The following TMEM268 variants were observed in gnomAD, a reference collection of about 807,000 sequenced individuals.
TMEM268 encodes transmembrane protein C9orf91.
Under a neutral mutation model 39.1 loss-of-function variants are expected in TMEM268, and 24 were observed. The ratio of observed to expected loss-of-function variants is 0.61; its 90% CI spans 0.44 to 0.86. The LOEUF is 0.86. Ranked by LOEUF, TMEM268 falls within the 40% of genes least tolerant of loss-of-function variation. TMEM268 has a pLI of 0.00. For missense variants in TMEM268, 409 were observed against 428.6 expected, an observed-to-expected ratio of 0.95 and a Z score of 0.40; for synonymous variants, 176 against 173.5, an observed-to-expected ratio of 1.01 and a Z score of -0.12.
intron 8 of TMEM268, among the ~76,000 whole-genome samples, chr9:114,641,527 ATG>A (rs1292591005): frequency 6.6e-6 from 1 of 152,180 alleles, no homozygotes; most frequent in Non-Finnish European, 1.5e-5. Context: ...GTTAATAAGA[ATG>A]TGCATTAAGG....
intron 1 of TMEM268, among the ~76,000 whole-genome samples, chr9:114,612,812 CTGAGTTTGTCTTTCCT>C (rs1198694420): frequency 6.6e-6 from 1 of 152,150 alleles, no homozygotes; most frequent in African/African-American, 2.4e-5. Flanking sequence ...TTGTCTTTCC[CTGAGTTTGTCTTTCCT>C]ACCAGATGGT....
intron 5 of TMEM268, among the ~76,000 whole-genome samples, chr9:114,631,778 A>G (rs1798898618): frequency 6.6e-6 from 1 of 152,082 alleles, no homozygotes; most frequent in Non-Finnish European, 1.5e-5. Context: ...TTCCTGGAAA[A>G]TTCAGTGTAC....
intron 2 of TMEM268, among the ~76,000 whole-genome samples, chr9:114,623,180 C>T (rs961055818): frequency 1.3e-5 from 2 of 152,130 alleles, no homozygotes; most frequent in Admixed American, 1.3e-4. Context: ...GATGGAGTTT[C>T]ATTCTTGTTG....
intron 5 of TMEM268, among the ~76,000 whole-genome samples, chr9:114,633,421 A>G (rs1160333688): frequency 1.3e-5 from 2 of 151,994 alleles, no homozygotes; most frequent in Admixed American, 6.6e-5. Context: ...CGGCCTCCCA[A>G]AGTGCTGGGA....
At chr9:114,618,109 T>A (rs1044536504) in intron 2 of TMEM268, among the ~76,000 whole-genome samples, 7 of 152,064 alleles carry the variant, frequency 4.6e-5, no homozygotes, top group African/African-American at 1.7e-4. Context: ...ATTTCTGACC[T>A]CAGGTGATCC....
chr9:114,618,135 C>T (rs1248926432), intron 2 of TMEM268, among the ~76,000 whole-genome samples: 1 of 152,094 alleles, frequency 6.6e-6, no homozygotes, highest in African/African-American at 2.4e-5. Flanking sequence ...CCTTGGGCTC[C>T]CAAAGTGCTG....
chr9:114,616,239 T>A lies in TMEM268; in HGVS notation c.-78-879T>A, dbSNP rs536461364. On this transcript the variant is annotated intron_variant, in intron 1 of 8. Transcript: ENST00000288502. Reference sequence around the variant, plus strand: ...CCCATGTTAGCCAGGATGGTCTCGATCTCCTGACCTCGTGATGTGCCAGCC... The same window carrying A: ...CCCATGTTAGCCAGGATGGTCTCGAACTCCTGACCTCGTGATGTGCCAGCC... 5.3e-5 allele frequency among the ~76,000 whole-genome samples: 8 copies of A among 151,662 alleles called. No homozygotes were observed. The East Asian group carries it at 1.6e-3, about 30-fold the overall frequency.
In TMEM268 at chr9:114,624,217, A is replaced by G. The variant is rs1019300693; in HGVS notation, c.107-133A>G. On this transcript the variant is annotated intron_variant, in intron 2 of 8. Transcript: ENST00000288502. ...GTCCTTCTCTCAAGAGGATTTGAGGATGGCCACCGTGTCCCTCCTTGTTGC... is the reference window on the plus strand; with the variant it reads ...GTCCTTCTCTCAAGAGGATTTGAGGGTGGCCACCGTGTCCCTCCTTGTTGC... 5 of 1,452,516 alleles carry G rather than the reference A, an allele frequency of 3.4e-6. No individual in the cohort carries two copies. In the African/African-American group the frequency reaches 7.1e-5, roughly 21 times the overall value. The allele number at this position is 1,452,516 out of a possible 1,614,324, so 90.0% of individuals were successfully genotyped here. A position where few individuals can be genotyped will look rare whatever the true frequency, so the allele number is the denominator to read the frequency against.
Position 114,627,012 on chromosome 9 carries a change from G to C in TMEM268, c.324+6G>C, listed in dbSNP as rs751334203. The C allele has an allele frequency of 2.3e-5, 36 of 1,596,084 alleles. No homozygotes were observed. The highest frequency in any genetic ancestry group is 2.9e-5 in the Non-Finnish European group (34 of 1,164,336). ...TGCGGCTGGCCTTTGCTGTGGTAAG[G>C]GGGAGGTGGCCCGCACACTGACCCT... On this transcript the variant is annotated splice_donor_region_variant and intron_variant, in intron 4 of 8. Coordinates refer to ENST00000288502, the MANE Select transcript of TMEM268 (RefSeq NM_153045.4).
chr9:114,624,260 C>G, intron 2 of TMEM268, 90 bp from the exon 3 acceptor site: 2 of 1,527,656 alleles, frequency 1.3e-6, no homozygotes, highest in Non-Finnish European at 1.8e-6. Flanking sequence ...TTCTCATGGC[C>G]AGAGGTGTGA....
At chr9:114,631,561 G>C (rs1286266613) in intron 5 of TMEM268, among the ~76,000 whole-genome samples, 3 of 152,048 alleles carry the variant, frequency 2.0e-5, no homozygotes, top group Non-Finnish European at 4.4e-5. Context: ...CTCCATTTGG[G>C]GGTAAGGAGA....
chr9:114,641,678 C>G (rs1440061557), intron 8 of TMEM268, among the ~76,000 whole-genome samples: 1 of 152,080 alleles, frequency 6.6e-6, no homozygotes, highest in African/African-American at 2.4e-5. Context: ...CTCTTTTTGC[C>G]CAGGCTGGAG....
chr9:114,641,360 TACA>T, intron 8 of TMEM268, among the ~76,000 whole-genome samples: 1 of 152,326 alleles, frequency 6.6e-6, no homozygotes, highest in East Asian at 1.9e-4. Flanking sequence ...TTACTAACTC[TACA>T]GACATACCTA....
At chr9:114,610,318 C>T (rs543118109), upstream of TMEM268, among the ~76,000 whole-genome samples, 1 of 152,130 alleles carries the variant, frequency 6.6e-6, no homozygotes, top group Non-Finnish European at 1.5e-5. Context: ...GGATTACAGG[C>T]GTGAGCCACC....
At chr9:114,605,800 G>A in the TMEM268 span, among the ~76,000 whole-genome samples, 3 of 152,012 alleles carry the variant, frequency 2.0e-5, no homozygotes, top group South Asian at 2.1e-4. Context: ...TGGTGGTGGC[G>A]CTGCCTATAG....
intron 7 of TMEM268, 107 bp from the exon 8 acceptor site, chr9:114,638,431 ATCTGAG>A: frequency 1.4e-6 from 1 of 703,952 alleles, no homozygotes; most frequent in Non-Finnish European, 2.3e-6. Context: ...TGAGGTCATC[ATCTGAG>A]TCTGAGACCT....
chr9:114,633,306 T>C (rs2004735), intron 5 of TMEM268, among the ~76,000 whole-genome samples: 41,486 of 151,488 alleles, frequency 0.27, 6,025 homozygotes, highest in South Asian at 0.4. Flanking sequence ...GGACTACAGG[T>C]GTGTGTCACC....
chr9:114,614,646 A>G (rs1845631628), intron 1 of TMEM268, among the ~76,000 whole-genome samples: 1 of 152,186 alleles, frequency 6.6e-6, no homozygotes. Context: ...GCCACTTCAT[A>G]TCTTCACAAA....
Position 114,644,351 on chromosome 9 carries a change from G to A in TMEM268, c.*1038G>A, listed in dbSNP as rs898781114. On this transcript the variant is annotated 3_prime_UTR_variant, in exon 9 of 9. Transcript: ENST00000288502. Reference sequence around the variant, plus strand: ...CATACCTATTCCTTTCCATTTGTTGGACTCCTATTCATGCTTCAAAGTCCA... The same window carrying A: ...CATACCTATTCCTTTCCATTTGTTGAACTCCTATTCATGCTTCAAAGTCCA... The A allele has an allele frequency of 6.6e-6, 1 of 152,274 alleles. No individual in the cohort carries two copies. The highest frequency in any genetic ancestry group is 1.5e-5 in the Non-Finnish European group (1 of 68,040). The allele number at this position is 152,274 out of a possible 1,614,324, so 9.4% of individuals were successfully genotyped here. A position where few individuals can be genotyped will look rare whatever the true frequency, so the allele number is the denominator to read the frequency against.
Sources: gnomAD v4.1 joint callset for allele counts (sites outside exome capture counted in the v4.1 genomes callset) on GRCh38, gnomAD v4.1.1 for gene constraint, MANE v1.5 for transcripts, NCBI Gene and HGNC (gene_info 2026-07-23, HGNC 2026-07-21) for gene names.